Variants in TMEM65 observed in about 807,000 individuals in gnomAD.
TMEM65 encodes transmembrane protein 65.
In TMEM65, 22 loss-of-function variants were observed where a neutral mutation model predicts 25.4. The observed-to-expected ratio is 0.86, with a 90% CI of 0.62 to 1.23. TMEM65 has a LOEUF of 1.23. Ranked by LOEUF, TMEM65 falls within the 50% of genes most tolerant of loss-of-function variation. TMEM65 has a pLI of 0.00. For synonymous variants in TMEM65, 132 were observed against 126.2 expected (o/e 1.05, Z -0.31); for missense variants, 262 against 308.2 (o/e 0.85, Z 1.12).
intron 1 of TMEM65, among the ~76,000 whole-genome samples, chr8:124,351,811 G>C (rs1175146525): frequency 1.3e-5 from 2 of 152,074 alleles, no homozygotes; most frequent in African/African-American, 4.8e-5. Context: ...TCTCTTAAAT[G>C]ACAGCAGTTC....
At chr8:124,352,984 G>A (rs1037641973) in intron 1 of TMEM65, among the ~76,000 whole-genome samples, 5 of 151,988 alleles carry the variant, frequency 3.3e-5, no homozygotes, top group East Asian at 1.9e-4. Context: ...AAAATTAGCC[G>A]GGCATGGTAG....
intron 1 of TMEM65, 99 bp downstream of exon 1, chr8:124,371,755 G>C: frequency 1.7e-6 from 2 of 1,195,522 alleles, no homozygotes; most frequent in Non-Finnish European, 1.1e-6. Flanking sequence ...GGGCGGCGGC[G>C]GGGGTCCAAG....
chr8:124,338,209 T>C (rs954680947), intron 1 of TMEM65, among the ~76,000 whole-genome samples: 2 of 152,034 alleles, frequency 1.3e-5, no homozygotes, highest in Non-Finnish European at 2.9e-5. Flanking sequence ...AGAAAATAAT[T>C]TTATTTGTGA....
At chr8:124,347,704 TG>T (rs1242996889) in intron 1 of TMEM65, among the ~76,000 whole-genome samples, 4 of 152,186 alleles carry the variant, frequency 2.6e-5, no homozygotes, top group African/African-American at 4.8e-5. Flanking sequence ...AAGCAACTAA[TG>T]AATTCCAGAC....
At chr8:124,336,235 A>G (rs974148111) in intron 1 of TMEM65, among the ~76,000 whole-genome samples, 2 of 152,176 alleles carry the variant, frequency 1.3e-5, no homozygotes, top group South Asian at 2.1e-4. Flanking sequence ...AACAGAATTA[A>G]AGGGCAAAAC....
chr8:124,340,574 C>T (rs1318049517), intron 1 of TMEM65, among the ~76,000 whole-genome samples: 1 of 152,102 alleles, frequency 6.6e-6, no homozygotes, highest in Non-Finnish European at 1.5e-5. Flanking sequence ...CCTAGGTTTA[C>T]TGGTGAAATA....
intron 6 of TMEM65, 23 bp downstream of exon 6, chr8:124,320,063 C>A (rs1449809699): frequency 1.9e-6 from 3 of 1,587,588 alleles, no homozygotes; most frequent in East Asian, 2.2e-5. Context: ...AACTCATTAT[C>A]ATAAACCATG....
chr8:124,357,197 T>TAC (rs1814794143), intron 1 of TMEM65, among the ~76,000 whole-genome samples: 2 of 152,132 alleles, frequency 1.3e-5, no homozygotes, highest in African/African-American at 4.8e-5. Context: ...ACTCTATTTA[T>TAC]ACTGCCTAGC....
chr8:124,350,166 A>T (rs1256677222), intron 1 of TMEM65, among the ~76,000 whole-genome samples: 1 of 150,724 alleles, frequency 6.6e-6, no homozygotes, highest in Non-Finnish European at 1.5e-5. Context: ...GTGTGTAAAA[A>T]CACTATGCCC....
chr8:124,325,900 A>C (rs1814360746), intron 3 of TMEM65, among the ~76,000 whole-genome samples: 1 of 152,054 alleles, frequency 6.6e-6, no homozygotes, highest in African/African-American at 2.4e-5. Context: ...AATTACTTTT[A>C]AAATTCCTAC....
At chr8:124,350,151 TGC>T (rs1814689502) in intron 1 of TMEM65, among the ~76,000 whole-genome samples, 2 of 148,822 alleles carry the variant, frequency 1.3e-5, no homozygotes, top group African/African-American at 5.0e-5. Flanking sequence ...TGTGTGTGTG[TGC>T]ATGTGTGTAA....
At chr8:124,316,962 T>G (rs1814244983) in intron 6 of TMEM65, among the ~76,000 whole-genome samples, 2 of 152,174 alleles carry the variant, frequency 1.3e-5, no homozygotes, top group African/African-American at 4.8e-5. Context: ...GTCCTCATTT[T>G]GTTTCTCCAC....
chr8:124,370,661 A>C (rs972318306), intron 1 of TMEM65, among the ~76,000 whole-genome samples: 3 of 152,234 alleles, frequency 2.0e-5, no homozygotes, highest in African/African-American at 7.2e-5. Context: ...ATTAAAAGCC[A>C]CAACTAAAAC....
chr8:124,343,923 T>C (rs1295461028), intron 1 of TMEM65, among the ~76,000 whole-genome samples: 1 of 152,202 alleles, frequency 6.6e-6, no homozygotes, highest in Non-Finnish European at 1.5e-5. Flanking sequence ...AGAAATTGTA[T>C]AAGAAAACCA....
At chr8:124,353,136 C>T (rs981209930) in intron 1 of TMEM65, among the ~76,000 whole-genome samples, 1 of 150,524 alleles carries the variant, frequency 6.6e-6, no homozygotes, top group African/African-American at 2.4e-5. Context: ...CAAAAAAAAA[C>T]AAAAAAAAGA....
At chr8:124,341,463 A>G (rs1477916107) in intron 1 of TMEM65, among the ~76,000 whole-genome samples, 2 of 152,040 alleles carry the variant, frequency 1.3e-5, no homozygotes, top group Non-Finnish European at 2.9e-5. Context: ...AAACAGTAAG[A>G]ATTTCTTGGA....
chr8:124,344,677 T>G (rs10110968), intron 1 of TMEM65, among the ~76,000 whole-genome samples: 136,784 of 152,192 alleles, frequency 0.9, 61,601 homozygotes, highest in East Asian at 1. Context: ...GCTCATTTTT[T>G]ATATATTTGA....
chr8:124,320,389 T>C (rs1814289262), intron 5 of TMEM65, among the ~76,000 whole-genome samples, 198 bp from the exon 6 acceptor site: 1 of 152,182 alleles, frequency 6.6e-6, no homozygotes, highest in Non-Finnish European at 1.5e-5. Flanking sequence ...AGAAATGACA[T>C]AAACATTCTT....
intron 6 of TMEM65, among the ~76,000 whole-genome samples, chr8:124,316,050 C>T (rs1037383560): frequency 1.3e-5 from 2 of 152,170 alleles, no homozygotes; most frequent in African/African-American, 4.8e-5. Context: ...GCTTTCCTTG[C>T]CCCTCACTTT....
Sources: gnomAD v4.1 joint callset for allele counts (sites outside exome capture counted in the v4.1 genomes callset) on GRCh38, gnomAD v4.1.1 for gene constraint, MANE v1.5 for transcripts, NCBI Gene and HGNC (gene_info 2026-07-23, HGNC 2026-07-21) for gene names.